Variants in USP54 observed in about 807,000 individuals in gnomAD.
The protein encoded by USP54 is ubiquitin carboxyl-terminal hydrolase 54.
USP54 carries 87 observed loss-of-function variants against 170.5 expected under a neutral mutation model. That is an observed-to-expected ratio of 0.51 (90% CI 0.43 to 0.61). USP54 has a LOEUF of 0.61. Among genes scored for constraint, USP54 ranks in the 20% least tolerant of loss-of-function variants. The probability of loss-of-function intolerance (pLI) is 0.00; values close to 1 mark genes in which losing one functional copy is unlikely to be tolerated. For synonymous variants in USP54, 655 were observed against 742.8 expected (o/e 0.88, Z 1.92); for missense variants, 1,786 against 2,047.8 (o/e 0.87, Z 2.47).
At chr10:73,534,796 CA>C in intron 11 of USP54, 26 bp from the exon 12 acceptor site, 1 of 1,602,554 alleles carries the variant, frequency 6.2e-7, no homozygotes, top group Non-Finnish European at 8.5e-7. Flanking sequence ...AACACATATG[CA>C]AAAAGTGAGG....
In USP54 at chr10:73,520,968, G is replaced by T. The variant is rs539453003; in HGVS notation, c.2422C>A (p.Leu808Ile). Reference sequence around the variant, plus strand: ...CAGTCTCCTTTCTGTTCCAGATGTAGTGACTCTTCAAACACTGACTCTGCC... The same window carrying T: ...CAGTCTCCTTTCTGTTCCAGATGTATTGACTCTTCAAACACTGACTCTGCC... ...QEAESVFEES[L>I]HLEQKGDCAA... is the part of the protein sequence containing the mutation. Residue 808 changes from leucine to isoleucine, a missense_variant, in exon 18 of 24, where the codon CTA (leucine) becomes ATA (isoleucine). Leu to Ile is a conservative substitution (Grantham distance 5, BLOSUM62 2). This residue lies in a region of USP54 where 1,418 missense variants were observed against 1,569.0 expected (regional missense o/e 0.90). Transcript: ENST00000687698. 19 of 1,614,184 alleles carry T rather than the reference G, an allele frequency of 1.2e-5. No individual in the cohort carries two copies. The South Asian group carries it at 2.1e-4, about 18-fold the overall frequency.
intron 20 of USP54, among the ~76,000 whole-genome samples, chr10:73,507,669 C>CAAAAAA (rs913305815): frequency 8.9e-5 from 2 of 22,458 alleles, no homozygotes; most frequent in African/African-American, 3.5e-4. Flanking sequence ...GACTCCGTCG[C>CAAAAAA]AAAAAAAAAA....
At chr10:73,601,468 TCA>T (rs1042486136) in intron 1 of USP54, among the ~76,000 whole-genome samples, 10 of 151,684 alleles carry the variant, frequency 6.6e-5, no homozygotes, top group African/African-American at 2.4e-4. Context: ...AACCTGATAC[TCA>T]CACACACATT....
chr10:73,571,642 T>G, intron 3 of USP54, 129 bp from the exon 4 acceptor site: 2 of 632,632 alleles, frequency 3.2e-6, no homozygotes, highest in Non-Finnish European at 5.3e-6. Flanking sequence ...AACTTCATTC[T>G]AGTATATTAA....
In USP54 at chr10:73,519,819, C is replaced by T. The variant is rs749180308; in HGVS notation, c.2656G>A (p.Gly886Arg). ...TACCTTGTTGGCTGAGAGAGAGTCC[C>T]CGCCTGTGTTGGGAGGCAGGCTGAG... ...QPSACLPTQA[G>R]TLSQPTSEQP... The change falls in exon 19 of 24, where the codon GGG becomes AGG. Residue 886 changes from glycine (G) to arginine (R), a missense_variant. This residue lies in a region of USP54 where 1,418 missense variants were observed against 1,569.0 expected (regional missense o/e 0.90). Coordinates refer to ENST00000687698, the MANE Select transcript of USP54 (RefSeq NM_001391956.1). 2.5e-6 allele frequency: 4 copies of T among 1,613,968 alleles called. No homozygotes were observed. The East Asian group carries it at 8.9e-5, about 36-fold the overall frequency.
chr10:73,541,575 A>G lies in USP54; in HGVS notation c.679-54T>C, dbSNP rs562737979. On this transcript the variant is annotated intron_variant, in intron 8 of 23. Transcript: ENST00000687698. ...CATGTTTCCCACTGGCTTTGCATCA[A>G]TTCCACTGATCGATGGTTCCCTTTC... 41 of 1,613,384 alleles carry G rather than the reference A, an allele frequency of 2.5e-5. No homozygotes were observed. In the African/African-American group the frequency reaches 3.6e-4, roughly 14 times the overall value.
At chr10:73,607,420 T>G (rs960406345) in intron 1 of USP54, among the ~76,000 whole-genome samples, 3 of 151,722 alleles carry the variant, frequency 2.0e-5, no homozygotes, top group Non-Finnish European at 4.4e-5. Context: ...GAAATAAAAG[T>G]CTTTAATTAT....
rs2061156811 is a variant in USP54, at chr10:73,516,810, A to T, written c.3616T>A (p.Ser1206Thr). 1 of 1,614,068 alleles carries T rather than the reference A, an allele frequency of 6.2e-7. No individual in the cohort carries two copies. Among genetic ancestry groups the T allele is most frequent in the Admixed American group, 1.7e-5 (1 of 60,004 alleles). The part of the protein sequence containing the change: ...PLSWEESTEH[S>T]SLALNSGLPN... ...AGCCCAGAGTTTAAGGCAAGAGAAG[A>T]ATGTTCAGTGGACTCTTCCCAGGAA... Residue 1206 changes from serine to threonine, a missense_variant, in exon 20 of 24, where the codon TCT becomes ACT. This residue lies in a region of USP54 where 1,418 missense variants were observed against 1,569.0 expected (regional missense o/e 0.90). Coordinates refer to ENST00000687698, the MANE Select transcript of USP54 (RefSeq NM_001391956.1).
intron 1 of USP54, among the ~76,000 whole-genome samples, chr10:73,581,161 C>T (rs1308397730): frequency 6.6e-6 from 1 of 152,208 alleles, no homozygotes; most frequent in Non-Finnish European, 1.5e-5. Context: ...GGCATGGTAG[C>T]TCATGCCTAA....
chr10:73,620,127 A>G (rs980310449), intron 1 of USP54, among the ~76,000 whole-genome samples: 1 of 150,092 alleles, frequency 6.7e-6, no homozygotes, highest in Non-Finnish European at 1.5e-5. Flanking sequence ...AGCCTGACCA[A>G]TATGGTGAAA....
chr10:73,578,208 A>G (rs1252241878), intron 1 of USP54, among the ~76,000 whole-genome samples: 1 of 152,188 alleles, frequency 6.6e-6, no homozygotes, highest in Non-Finnish European at 1.5e-5. Context: ...TAGAAGTGAG[A>G]GCATAAAGGA....
chr10:73,518,039 A>C, intron 19 of USP54: 3 of 455,332 alleles, frequency 6.6e-6, no homozygotes, highest in Non-Finnish European at 8.7e-6. Flanking sequence ...ACTACCTGTG[A>C]AGTCGCATTC....
chr10:73,499,300 A>G, intron 23 of USP54, 112 bp from the exon 24 acceptor site: 2 of 1,045,744 alleles, frequency 1.9e-6, no homozygotes, highest in South Asian at 1.6e-5. Context: ...AAGAGCATAC[A>G]TACAAGGGAA....
At chr10:73,527,772 G>A (rs1348741082) in intron 15 of USP54, among the ~76,000 whole-genome samples, 1 of 149,312 alleles carries the variant, frequency 6.7e-6, no homozygotes, top group African/African-American at 2.5e-5. Context: ...GGCTGAGGTG[G>A]GTAAATCACT....
chr10:73,519,289 A>G (rs1327221169), intron 19 of USP54: 1 of 161,678 alleles, frequency 6.2e-6, no homozygotes, highest in Non-Finnish European at 1.4e-5. Context: ...TGTGAGAACT[A>G]CAACAATGAC....
intron 4 of USP54, among the ~76,000 whole-genome samples, chr10:73,560,030 G>C (rs968176344): frequency 2.6e-5 from 4 of 151,688 alleles, no homozygotes; most frequent in African/African-American, 9.7e-5. Context: ...GGGTGACAAA[G>C]CGACCCCATT....
chr10:73,516,953 CT>C lies in USP54; in HGVS notation c.3472del (p.Ser1158ValfsTer2). The C allele has an allele frequency of 1.2e-6, 2 of 1,614,200 alleles. No individual in the cohort carries two copies. Among genetic ancestry groups the C allele is most frequent in the Non-Finnish European group, 1.7e-6 (2 of 1,180,040 alleles). ...TGFKDRSLSG[S>X]LRKNSSPSDS... ...AGAAGGGGAAGAGTTCTTCCTTAGA[CT>C]ACCTGACAAACTTCTATCCTTGAAA... On this transcript the variant is annotated frameshift_variant, in exon 20 of 24. Transcript: ENST00000687698. LOFTEE classifies it high-confidence loss of function.
intron 19 of USP54, among the ~76,000 whole-genome samples, chr10:73,518,011 C>T (rs899703929): frequency 1.3e-5 from 2 of 152,178 alleles, no homozygotes; most frequent in Non-Finnish European, 2.9e-5. Context: ...TTAAGTGGAG[C>T]CCTTGCCAAT....
At chr10:73,588,233 G>GA (rs2077761157) in intron 1 of USP54, among the ~76,000 whole-genome samples, 1 of 146,270 alleles carries the variant, frequency 6.8e-6, no homozygotes, top group African/African-American at 2.5e-5. Flanking sequence ...TTTTGTTTTT[G>GA]TTTTTTGAGA....
Sources: allele counts gnomAD v4.1 joint callset (sites outside exome capture counted in the v4.1 genomes callset), GRCh38; gene constraint gnomAD v4.1.1; regional missense constraint gnomAD v4.1.1; transcripts MANE v1.5; gene names NCBI Gene and HGNC (gene_info 2026-07-23, HGNC 2026-07-21).